SDHC: variants seen among roughly 807,000 people sequenced by gnomAD.
SDHC encodes succinate dehydrogenase cytochrome b560 subunit, mitochondrial.
A neutral mutation model predicts 22.6 loss-of-function variants in SDHC; 11 were observed. The ratio of observed to expected loss-of-function variants is 0.49; its 90% CI spans 0.31 to 0.81. The LOEUF is 0.81. Ranked by LOEUF, SDHC falls within the 30% of genes least tolerant of loss-of-function variation. The pLI is 0.05. For missense variants in SDHC, 160 were observed against 212.0 expected (o/e 0.75, Z 1.52); for synonymous variants, 80 against 77.8 (o/e 1.03, Z -0.15).
chr1:161,328,887 T>C (rs1327504970), intron 3 of SDHC, among the ~76,000 whole-genome samples: 5 of 152,222 alleles, frequency 3.3e-5, no homozygotes, highest in Admixed American at 3.3e-4. Context: ...CTAAGTTATA[T>C]AGAAGTTGCA....
chr1:161,333,609 G>A (rs1671364558), intron 3 of SDHC, among the ~76,000 whole-genome samples: 1 of 151,950 alleles, frequency 6.6e-6, no homozygotes, highest in Non-Finnish European at 1.5e-5. Context: ...TCACCATGTC[G>A]GTCAGGATGG....
At chr1:161,348,906 A>G (rs1672001912) in intron 4 of SDHC, among the ~76,000 whole-genome samples, 1 of 119,406 alleles carries the variant, frequency 8.4e-6, no homozygotes, top group East Asian at 3.1e-4. Flanking sequence ...ACTTTTTCCT[A>G]TAAAAGTCTA....
Position 161,362,706 on chromosome 1 carries a change from T to G in SDHC, c.*273T>G, listed in dbSNP as rs1429630313. Reference sequence around the variant, plus strand: ...TCTCGGCCTAGAAGCAGTTATTCTCTCTCCATATTGGGCTTTGATTTGTGC... The same window carrying G: ...TCTCGGCCTAGAAGCAGTTATTCTCGCTCCATATTGGGCTTTGATTTGTGC... On this transcript the variant is annotated 3_prime_UTR_variant, in exon 6 of 6. Transcript: ENST00000367975. The G allele has an allele frequency of 3.3e-6, 2 of 613,632 alleles. No individual in the cohort carries two copies. The highest frequency in any genetic ancestry group is 2.9e-6 in the Non-Finnish European group (1 of 343,918). The allele number at this position is 613,632 out of a possible 1,614,324, so 38.0% of individuals were successfully genotyped here.
At chr1:161,360,140 G>A (rs1365969649) in intron 5 of SDHC, among the ~76,000 whole-genome samples, 1 of 151,806 alleles carries the variant, frequency 6.6e-6, no homozygotes, top group African/African-American at 2.4e-5. Flanking sequence ...AAGGCGCCAT[G>A]TATGTGGGAA....
rs193103588 is a variant in SDHC at position 161,317,360 on chromosome 1, T to A, written c.20+2935T>A. On this transcript the variant is annotated intron_variant, in intron 1 of 5. Coordinates refer to ENST00000367975, the MANE Select transcript of SDHC (RefSeq NM_003001.5). ...TTATTTTTGGTTAAACTTAAAAAAT[T>A]TTTTTATTTACTTATTTTAATTGGC... 1.4e-4 allele frequency among the ~76,000 whole-genome samples: 22 copies of A among 152,094 alleles called. No individual in the cohort carries two copies. In the East Asian group the frequency reaches 3.9e-3, roughly 27 times the overall value.
chr1:161,339,740 G>GTGCGATCT (rs1481208873), intron 3 of SDHC, among the ~76,000 whole-genome samples: 2 of 132,146 alleles, frequency 1.5e-5, no homozygotes, highest in South Asian at 2.4e-4. Flanking sequence ...GAGTGCAATG[G>GTGCGATCT]TGCGATCTTG....
chr1:161,345,872 C>G (rs1671877155), intron 4 of SDHC, among the ~76,000 whole-genome samples: 1 of 152,052 alleles, frequency 6.6e-6, no homozygotes, highest in Non-Finnish European at 1.5e-5. Context: ...GTGGCGCGAT[C>G]TCAGCTCACT....
chr1:161,345,697 C>G (rs1205670830), intron 4 of SDHC, among the ~76,000 whole-genome samples: 4 of 152,182 alleles, frequency 2.6e-5, no homozygotes, highest in Non-Finnish European at 5.9e-5. Context: ...ACCTTGTGAT[C>G]CGCCCGCCTC....
intron 1 of SDHC, among the ~76,000 whole-genome samples, chr1:161,318,863 G>A (rs913740064): frequency 8.6e-5 from 13 of 152,004 alleles, no homozygotes; most frequent in South Asian, 6.2e-4. Context: ...GAGAAACCTC[G>A]TCTCTACTAA....
At chr1:161,322,537 G>C (rs1270601318) in intron 1 of SDHC, among the ~76,000 whole-genome samples, 4 of 150,952 alleles carry the variant, frequency 2.6e-5, no homozygotes, top group African/African-American at 9.7e-5. Flanking sequence ...CAAACCCCTT[G>C]TACTCTTAAA....
rs12097837 is a variant in SDHC at position 161,354,438 on chromosome 1, G to C, written c.242-2239G>C. On this transcript the variant is annotated intron_variant, in intron 4 of 5. Transcript: ENST00000367975. ...TTTGAATATGTAAAATATCCTGTAGGACCTGTGAGTTTGCTTTGGTACCCC... is the reference window on the plus strand; with the variant it reads ...TTTGAATATGTAAAATATCCTGTAGCACCTGTGAGTTTGCTTTGGTACCCC... Among the ~76,000 whole-genome samples, 1,082 of 152,082 alleles carry C rather than the reference G, an allele frequency of 7.1e-3. 12 individuals are homozygous for C. The highest frequency in any genetic ancestry group is 0.025 in the African/African-American group (1,021 of 41,476).
At chr1:161,358,507 T>C (rs1378075343) in intron 5 of SDHC, among the ~76,000 whole-genome samples, 2 of 151,962 alleles carry the variant, frequency 1.3e-5, no homozygotes, top group Non-Finnish European at 2.9e-5. Context: ...TATGGTGGTG[T>C]GCGCCTGTGG....
chr1:161,337,476 G>A (rs181082245), intron 3 of SDHC, among the ~76,000 whole-genome samples: 3 of 152,262 alleles, frequency 2.0e-5, no homozygotes, highest in Admixed American at 1.3e-4. Flanking sequence ...TACTTCTGCC[G>A]CATTCTACCT....
intron 1 of SDHC, 156 bp downstream of exon 1, chr1:161,314,581 T>C (rs1571829326): frequency 1.2e-6 from 1 of 847,874 alleles, no homozygotes; most frequent in South Asian, 1.5e-5. Context: ...AGACCCCTTT[T>C]CCCGTCCCCC....
At chr1:161,324,139 G>GTTGT (rs1466275197) in intron 2 of SDHC, among the ~76,000 whole-genome samples, 1 of 152,138 alleles carries the variant, frequency 6.6e-6, no homozygotes, top group Non-Finnish European at 1.5e-5. Context: ...GTGTATGTGT[G>GTTGT]TTGTTTGTTT....
rs1571890248 is a variant in SDHC at position 161,356,761 on chromosome 1, G to A, written c.326G>A (p.Gly109Glu). 1 of 1,613,838 alleles carries A rather than the reference G, an allele frequency of 6.2e-7. No homozygotes were observed. Among genetic ancestry groups the A allele is most frequent in the Admixed American group, 1.7e-5 (1 of 59,988 alleles). The stretch of plus-strand genomic sequence containing the variant: ...GAACTTGTGAAGTCCCTGTGTCTGG[G>A]GCCAGCACTGATCCACACAGCTAAG... ...YLELVKSLCL[G>E]PALIHTAKFA... is the part of the protein sequence containing the mutation. The change falls in exon 5 of 6, where the codon GGG becomes GAG. Residue 109 changes from glycine (G) to glutamate (E), a missense_variant. Around this residue, in one of 2 missense-constraint regions of SDHC, gnomAD observed 74 missense variants for 128.6 expected, o/e 0.58. Coordinates refer to ENST00000367975, the MANE Select transcript of SDHC (RefSeq NM_003001.5).
chr1:161,332,264 C>T (rs545306934), intron 3 of SDHC, among the ~76,000 whole-genome samples: 61 of 152,282 alleles, frequency 4.0e-4, no homozygotes, highest in African/African-American at 1.4e-3. Flanking sequence ...TGTAAGCCAC[C>T]GTGCTCAGCT....
At chr1:161,354,930 G>A (rs1198929919) in intron 4 of SDHC, among the ~76,000 whole-genome samples, 2 of 152,044 alleles carry the variant, frequency 1.3e-5, no homozygotes, top group Non-Finnish European at 2.9e-5. Flanking sequence ...GGCTGGTCTT[G>A]AACTCCTCAC....
At chr1:161,357,560 CG>C (rs58068914) in intron 5 of SDHC, among the ~76,000 whole-genome samples, 17,725 of 151,538 alleles carry the variant, frequency 0.12, 1,396 homozygotes, top group African/African-American at 0.22. Context: ...CCACCACGCC[CG>C]GCTAATTTTT....
Sources: gnomAD v4.1 joint callset for allele counts (sites outside exome capture counted in the v4.1 genomes callset) on GRCh38, gnomAD v4.1.1 for gene constraint, gnomAD v4.1.1 regional missense constraint, MANE v1.5 for transcripts, NCBI Gene and HGNC (gene_info 2026-07-23, HGNC 2026-07-21) for gene names.